Variants in RARB observed in about 807,000 individuals in gnomAD.
The protein encoded by RARB is retinoic acid receptor beta.
In RARB, 17 loss-of-function variants were observed where a neutral mutation model predicts 51.9. The observed-to-expected ratio is 0.33, with a 90% CI of 0.22 to 0.49. The LOEUF is 0.49. Ranked by LOEUF, RARB falls within the 20% of genes least tolerant of loss-of-function variation. The pLI is 0.99. For missense variants in RARB, 369 were observed against 550.8 expected, an observed-to-expected ratio of 0.67 and a Z score of 3.30; for synonymous variants, 215 against 195.4, an observed-to-expected ratio of 1.10 and a Z score of -0.84.
chr3:24,947,552 T>C lies in RARB; in HGVS notation c.-380+88800T>C, dbSNP rs879615783. Among the ~76,000 whole-genome samples the C allele has an allele frequency of 5.8e-4, 88 of 152,200 alleles. 1 individual carries two copies. Among genetic ancestry groups the C allele is most frequent in the Admixed American group, 5.6e-3 (86 of 15,286 alleles). On this transcript the variant is annotated intron_variant, in intron 2 of 11. Transcript: ENST00000383772. Reference sequence around the variant, plus strand: ...ACTTCGTGGAAGCATGGACATCTTTTTTTATGGAGTTCCACGGGGATACAT... The same window carrying C: ...ACTTCGTGGAAGCATGGACATCTTTCTTTATGGAGTTCCACGGGGATACAT...
intron 5 of RARB, among the ~76,000 whole-genome samples, chr3:25,403,943 A>T (rs1296581817): frequency 6.8e-6 from 1 of 146,104 alleles, no homozygotes. Flanking sequence ...TTATAGTTAT[A>T]GGCCAAAGCT....
chr3:25,404,273 A>G (rs1038770434), intron 5 of RARB, among the ~76,000 whole-genome samples: 7 of 152,128 alleles, frequency 4.6e-5, no homozygotes, highest in African/African-American at 1.2e-4. Flanking sequence ...CCACATTTCA[A>G]GGTGTTGGCT....
At chr3:25,033,276 A>T (rs1697912265) in intron 2 of RARB, among the ~76,000 whole-genome samples, 1 of 152,304 alleles carries the variant, frequency 6.6e-6, no homozygotes, top group East Asian at 1.9e-4. Flanking sequence ...AGCAAAGACA[A>T]TTAAAGTAGG....
intron 2 of RARB, among the ~76,000 whole-genome samples, chr3:24,977,409 C>A (rs1696541663): frequency 6.6e-6 from 1 of 152,166 alleles, no homozygotes; most frequent in Non-Finnish European, 1.5e-5. Flanking sequence ...AATGTTCTTC[C>A]ATTTGTTTGT....
At chr3:24,845,562 A>C (rs1702476287) in intron 1 of RARB, among the ~76,000 whole-genome samples, 1 of 152,174 alleles carries the variant, frequency 6.6e-6, no homozygotes, top group African/African-American at 2.4e-5. Context: ...TCCTATGGCC[A>C]TGTTTAACTG....
intron 5 of RARB, among the ~76,000 whole-genome samples, chr3:25,337,907 T>C (rs1266613123): frequency 6.6e-6 from 1 of 152,146 alleles, no homozygotes; most frequent in South Asian, 2.1e-4. Flanking sequence ...GATTAATAAA[T>C]TAATGAATTT....
chr3:25,368,251 G>A (rs2125469838), intron 5 of RARB, among the ~76,000 whole-genome samples: 1 of 152,200 alleles, frequency 6.6e-6, no homozygotes, highest in Admixed American at 6.5e-5. Flanking sequence ...TTTAATTACT[G>A]CAAGAAATAT....
intron 6 of RARB, 137 bp downstream of exon 6, chr3:25,593,844 T>A: frequency 1.3e-6 from 1 of 759,968 alleles, no homozygotes; most frequent in Non-Finnish European, 2.1e-6. Flanking sequence ...CATACATGCC[T>A]GGTTTCATTG....
chr3:25,068,465 G>A (rs528401965), intron 3 of RARB, among the ~76,000 whole-genome samples: 2 of 152,042 alleles, frequency 1.3e-5, no homozygotes, highest in South Asian at 2.1e-4. Flanking sequence ...AACAAAAAGG[G>A]GGGTAATATT....
In RARB at chr3:25,518,321, CT is replaced by C. The variant is rs527265731; in HGVS notation, c.448+16999del. Among the ~76,000 whole-genome samples the C allele has an allele frequency of 1.3e-4, 20 of 152,108 alleles. No homozygotes were observed. In the South Asian group the frequency reaches 4.2e-3, roughly 32 times the overall value. On this transcript the variant is annotated intron_variant, in intron 3 of 7. Transcript: ENST00000330688. ...AGGGGACAAGTTCAGTGACAAGACT[CT>C]CGGTGTCCACAAGAGGAAAATAGCC... is the stretch of plus-strand genomic sequence containing the variant.
chr3:25,175,377 G>A (rs774325135), intron 5 of RARB, among the ~76,000 whole-genome samples: 12 of 152,210 alleles, frequency 7.9e-5, no homozygotes, highest in Admixed American at 1.3e-4. Context: ...TGTTCTCCAA[G>A]TCCTTTCTGG....
In RARB at chr3:25,580,656, T is replaced by C; in HGVS notation, c.720T>C (p.Pro240=). The part of the protein sequence containing the change: ...IKIVEFAKRL[P]GFTGLTIADQ... ...TCGTGGAGTTTGCTAAACGTCTGCCTGGTTTCACTGGCTTGACCATCGCAG... is the reference window on the plus strand; with the variant it reads ...TCGTGGAGTTTGCTAAACGTCTGCCCGGTTTCACTGGCTTGACCATCGCAG... The change falls in exon 5 of 8, where the codon CCT becomes CCC. Residue 240 remains proline, a synonymous_variant. Coordinates refer to ENST00000330688, the MANE Select transcript of RARB (RefSeq NM_000965.5). 1 of 1,613,194 alleles carries C rather than the reference T, an allele frequency of 6.2e-7. No individual in the cohort carries two copies. Among genetic ancestry groups the C allele is most frequent in the South Asian group, 1.1e-5 (1 of 90,958 alleles).
At chr3:25,571,293 A>G (rs1700701489) in intron 4 of RARB, among the ~76,000 whole-genome samples, 1 of 152,234 alleles carries the variant, frequency 6.6e-6, no homozygotes, top group Middle Eastern at 3.2e-3. Flanking sequence ...AACTCGTTAC[A>G]GTGCAGGTTC....
chr3:25,217,101 T>C (rs907250570), intron 5 of RARB, among the ~76,000 whole-genome samples: 1 of 152,176 alleles, frequency 6.6e-6, no homozygotes, highest in Non-Finnish European at 1.5e-5. Context: ...CTTCCTTCAT[T>C]AGGAGGAAGC....
At chr3:24,872,652 A>T (rs139565793) in intron 2 of RARB, among the ~76,000 whole-genome samples, 1 of 152,026 alleles carries the variant, frequency 6.6e-6, no homozygotes, top group Non-Finnish European at 1.5e-5. Flanking sequence ...ACGTGAATAG[A>T]TGGAGTGAGA....
intron 3 of RARB, among the ~76,000 whole-genome samples, chr3:25,512,341 C>G (rs1041256681): frequency 2.0e-5 from 3 of 152,198 alleles, no homozygotes; most frequent in Non-Finnish European, 4.4e-5. Flanking sequence ...AAATCTACCC[C>G]CACAAAGCAA....
At chr3:25,188,327 ATGTG>A (rs1486675124) in intron 5 of RARB, among the ~76,000 whole-genome samples, 2 of 152,140 alleles carry the variant, frequency 1.3e-5, no homozygotes, top group Admixed American at 1.3e-4. Context: ...GTATAAATAA[ATGTG>A]TTTAATAATT....
At chr3:25,158,111 C>T (rs1357605788) in intron 4 of RARB, among the ~76,000 whole-genome samples, 1 of 152,148 alleles carries the variant, frequency 6.6e-6, no homozygotes, top group African/African-American at 2.4e-5. Context: ...ACATAAGCAG[C>T]AAAGAAACAT....
At chr3:24,868,043 T>C (rs1001529757) in intron 2 of RARB, among the ~76,000 whole-genome samples, 3 of 152,164 alleles carry the variant, frequency 2.0e-5, no homozygotes, top group Admixed American at 2.0e-4. Context: ...TCTGGACGGC[T>C]TGCAGAAAAA....
Sources: allele counts gnomAD v4.1 joint callset (sites outside exome capture counted in the v4.1 genomes callset), GRCh38; gene constraint gnomAD v4.1.1; transcripts MANE v1.5; gene names NCBI Gene and HGNC (gene_info 2026-07-23, HGNC 2026-07-21).